The following CSMD1 variants were observed in gnomAD, a reference collection of about 807,000 sequenced individuals.
CSMD1 encodes the protein CUB and Sushi multiple domains 1.
Under a neutral mutation model 417.5 loss-of-function variants are expected in CSMD1, and 213 were observed. The observed-to-expected ratio is 0.51, with a 90% CI of 0.46 to 0.57. CSMD1 has a LOEUF of 0.57. Ranked by LOEUF, CSMD1 falls within the 20% of genes least tolerant of loss-of-function variation. CSMD1 has a pLI of 0.00. For missense variants in CSMD1, 6,923 were observed against 4,529.7 expected (o/e 1.53, Z -15.17); for synonymous variants, 2,862 against 1,736.8 (o/e 1.65, Z -16.11).
chr8:4,904,831 T>A (rs575563594), intron 1 of CSMD1, among the ~76,000 whole-genome samples: 5 of 152,306 alleles, frequency 3.3e-5, no homozygotes, highest in Admixed American at 1.3e-4. Flanking sequence ...GGCATGAAGA[T>A]CCCTATCAGC....
intron 3 of CSMD1, among the ~76,000 whole-genome samples, chr8:4,187,969 T>G (rs563003766): frequency 6.6e-6 from 1 of 152,206 alleles, no homozygotes; most frequent in Admixed American, 6.5e-5. Flanking sequence ...CCATGGGTAT[T>G]TTTAATTCCC....
At chr8:4,469,106 G>C (rs1470811374) in intron 2 of CSMD1, among the ~76,000 whole-genome samples, 1 of 152,168 alleles carries the variant, frequency 6.6e-6, no homozygotes, top group East Asian at 1.9e-4. Context: ...GAAGAGTTTG[G>C]TGTGGCCTCC....
intron 3 of CSMD1, among the ~76,000 whole-genome samples, chr8:4,348,800 C>T (rs7834964): frequency 0.23 from 34,277 of 152,060 alleles, 4,004 homozygotes; most frequent in African/African-American, 0.26. Flanking sequence ...TCCCTTAACC[C>T]ATTTATTCTT....
intron 12 of CSMD1, among the ~76,000 whole-genome samples, chr8:3,462,642 A>G (rs1002106427): frequency 1.3e-5 from 2 of 152,322 alleles, no homozygotes; most frequent in East Asian, 1.9e-4. Context: ...GGAGAGTTGT[A>G]TAATTATTTT....
intron 3 of CSMD1, among the ~76,000 whole-genome samples, chr8:4,043,471 T>C (rs1441790859): frequency 6.6e-6 from 1 of 152,186 alleles, no homozygotes; most frequent in Non-Finnish European, 1.5e-5. Context: ...ACACCCAGTG[T>C]TATGTTGTCT....
chr8:3,823,815 T>C lies in CSMD1; in HGVS notation c.819-69773A>G, dbSNP rs531792359. Among the ~76,000 whole-genome samples the C allele has an allele frequency of 3.0e-4, 45 of 152,304 alleles. No individual in the cohort carries two copies. The South Asian group carries it at 7.9e-3, about 27-fold the overall frequency. On this transcript the variant is annotated intron_variant, in intron 5 of 69. Coordinates refer to ENST00000635120, the MANE Select transcript of CSMD1 (RefSeq NM_033225.6). ...TAACATAAATATGTTAAAAATGACT[T>C]GATCATAAAGATGGTAATTTAAAAA...
At chr8:3,811,303 C>T (rs901387580) in intron 5 of CSMD1, among the ~76,000 whole-genome samples, 6 of 152,206 alleles carry the variant, frequency 3.9e-5, no homozygotes, top group Admixed American at 1.3e-4. Flanking sequence ...AAACTGCTAA[C>T]CTGCTATAAC....
intron 3 of CSMD1, among the ~76,000 whole-genome samples, chr8:4,248,222 C>G (rs1274918469): frequency 6.6e-6 from 1 of 152,134 alleles, no homozygotes; most frequent in Non-Finnish European, 1.5e-5. Flanking sequence ...TTTCCAACAG[C>G]AGACAGTTGG....
chr8:4,311,887 TA>T (rs1798603665), intron 3 of CSMD1, among the ~76,000 whole-genome samples: 2 of 151,860 alleles, frequency 1.3e-5, no homozygotes, highest in Non-Finnish European at 2.9e-5. Context: ...GGTGATCAAA[TA>T]ATACATGCAA....
At chr8:3,426,619 G>A (rs762013743) in intron 12 of CSMD1, among the ~76,000 whole-genome samples, 5 of 152,070 alleles carry the variant, frequency 3.3e-5, no homozygotes, top group Non-Finnish European at 7.4e-5. Context: ...TCTTGACACT[G>A]CCACTTTCAA....
intron 10 of CSMD1, among the ~76,000 whole-genome samples, chr8:3,570,086 C>T (rs1381947331): frequency 6.6e-6 from 1 of 152,072 alleles, no homozygotes; most frequent in Non-Finnish European, 1.5e-5. Flanking sequence ...ACCCAAGCTG[C>T]CTAAATTCAT....
intron 3 of CSMD1, among the ~76,000 whole-genome samples, chr8:4,336,934 T>A (rs1229257453): frequency 6.6e-6 from 1 of 152,160 alleles, no homozygotes; most frequent in Non-Finnish European, 1.5e-5. Context: ...ACAGAAATTC[T>A]GTAGGCTACA....
chr8:4,202,407 C>T (rs1052566399), intron 3 of CSMD1, among the ~76,000 whole-genome samples: 1 of 152,094 alleles, frequency 6.6e-6, no homozygotes, highest in Admixed American at 6.6e-5. Context: ...TAAGCTTTTT[C>T]ACAAGAATGG....
At chr8:3,540,323 G>T (rs920696429) in intron 10 of CSMD1, among the ~76,000 whole-genome samples, 1 of 152,096 alleles carries the variant, frequency 6.6e-6, no homozygotes, top group African/African-American at 2.4e-5. Context: ...AGAAATACCT[G>T]GAAATCTTGC....
intron 5 of CSMD1, among the ~76,000 whole-genome samples, chr8:3,874,119 C>T (rs1347108056): frequency 6.6e-6 from 1 of 152,162 alleles, no homozygotes; most frequent in Non-Finnish European, 1.5e-5. Flanking sequence ...GCCCTCTCTC[C>T]AGGAGGCCTA....
chr8:4,041,512 G>C (rs1797894042), intron 3 of CSMD1, among the ~76,000 whole-genome samples: 1 of 152,222 alleles, frequency 6.6e-6, no homozygotes, highest in South Asian at 2.1e-4. Context: ...AAACCCCAGT[G>C]AAAGAATGTT....
chr8:3,992,751 A>AC (rs1814857962), intron 5 of CSMD1, among the ~76,000 whole-genome samples: 1 of 152,254 alleles, frequency 6.6e-6, no homozygotes, highest in African/African-American at 2.4e-5. Flanking sequence ...ACTGTACTCC[A>AC]CACTGGGTGA....
intron 10 of CSMD1, among the ~76,000 whole-genome samples, chr8:3,545,908 A>G (rs1405080201): frequency 6.6e-6 from 1 of 152,302 alleles, no homozygotes; most frequent in African/African-American, 2.4e-5. Flanking sequence ...ATTATAGTGA[A>G]TGCATAGTGG....
intron 1 of CSMD1, among the ~76,000 whole-genome samples, chr8:4,744,717 G>C (rs942062336): frequency 1.3e-5 from 2 of 152,140 alleles, no homozygotes. Flanking sequence ...TCAGGTCATG[G>C]TTTAATGATA....
Sources: allele counts gnomAD v4.1 joint callset (sites outside exome capture counted in the v4.1 genomes callset), GRCh38; gene constraint gnomAD v4.1.1; transcripts MANE v1.5; gene names NCBI Gene and HGNC (gene_info 2026-07-23, HGNC 2026-07-21).